PNPLA7: variants seen among roughly 807,000 people sequenced by gnomAD.
PNPLA7 encodes the protein patatin like domain 7, lysophospholipase.
Under a neutral mutation model 161.7 loss-of-function variants are expected in PNPLA7, and 153 were observed. The observed-to-expected ratio is 0.95, with a 90% CI of 0.83 to 1.08. The LOEUF is 1.08. Among genes scored for constraint, PNPLA7 ranks in the 50% least tolerant of loss-of-function variants. PNPLA7 has a pLI of 0.00. For missense variants in PNPLA7, 1,739 were observed against 1,856.6 expected (o/e 0.94, Z 1.16); for synonymous variants, 809 against 782.1 (o/e 1.03, Z -0.57).
At chr9:137,506,831 G>A (rs1352823994) in intron 12 of PNPLA7, among the ~76,000 whole-genome samples, 1 of 152,264 alleles carries the variant, frequency 6.6e-6, no homozygotes, top group Non-Finnish European at 1.5e-5. Flanking sequence ...CGCACTTCCA[G>A]GCACAGATCC....
chr9:137,507,386 G>A (rs1833981195), intron 12 of PNPLA7, among the ~76,000 whole-genome samples: 1 of 152,234 alleles, frequency 6.6e-6, no homozygotes, highest in African/African-American at 2.4e-5. Flanking sequence ...CAAGCATGTA[G>A]CTAAATGATA....
At position 137,523,787 on chromosome 9, in the gene PNPLA7, C is replaced by T. The variant is rs142352616; in HGVS notation, c.748-930G>A. 3.2e-4 allele frequency among the ~76,000 whole-genome samples: 48 copies of T among 152,148 alleles called. No homozygotes were observed. The highest frequency in any genetic ancestry group is 9.4e-4 in the African/African-American group (39 of 41,526). On this transcript the variant is annotated intron_variant, in intron 8 of 34. Coordinates refer to ENST00000406427, the MANE Select transcript of PNPLA7 (RefSeq NM_001098537.3). This position sits in a 1 kb window ranked among gnomAD's most constrained non-coding sequence, Gnocchi z 4.4. ...GGCTACAAGCGCCCGCCACCACGCC[C>T]GGCTAATTTGTTTTTTGAATTTTTA... is the stretch of plus-strand genomic sequence containing the variant.
intron 11 of PNPLA7, among the ~76,000 whole-genome samples, chr9:137,516,833 AATT>A (rs539171251): frequency 3.3e-5 from 5 of 149,948 alleles, no homozygotes; most frequent in South Asian, 2.1e-4. Context: ...TAATAATAAT[AATT>A]ATTATTATTA....
At chr9:137,549,114 G>T (rs1417949826) in intron 1 of PNPLA7, among the ~76,000 whole-genome samples, 2 of 152,254 alleles carry the variant, frequency 1.3e-5, no homozygotes, top group Non-Finnish European at 2.9e-5. Flanking sequence ...GCTTTTCACT[G>T]TTGCTTTAAT....
intron 32 of PNPLA7, 29 bp from the exon 33 acceptor site, chr9:137,461,649 C>T (rs1831202721): frequency 6.5e-7 from 1 of 1,538,200 alleles, no homozygotes; most frequent in Non-Finnish European, 8.8e-7. Context: ...CAGCACGTTG[C>T]CTGTGGACAC....
intron 33 of PNPLA7, chr9:137,461,060 C>CA (rs1831164612): frequency 2.6e-6 from 1 of 383,600 alleles, no homozygotes; most frequent in African/African-American, 2.0e-5. Context: ...CTGCCTTGCC[C>CA]AGGGCCCTCT....
rs1835196400 is a variant in PNPLA7 at position 137,524,421 on chromosome 9, T to C, written c.748-1564A>G. On this transcript the variant is annotated intron_variant, in intron 8 of 34. Transcript: ENST00000406427. The surrounding 1 kb of genome is among the most constrained non-coding windows in gnomAD (Gnocchi z 4.4). ...TGGCTGCCTCATGGAGGCCTTGCAG[T>C]GTCTCCTCGTGAAGGCCTCGCAGGG... Among the ~76,000 whole-genome samples, 1 of 151,094 alleles carries C rather than the reference T, an allele frequency of 6.6e-6. No homozygotes were observed. The highest frequency in any genetic ancestry group is 1.5e-5 in the Non-Finnish European group (1 of 67,708).
intron 8 of PNPLA7, among the ~76,000 whole-genome samples, chr9:137,535,969 G>A (rs1159710492): frequency 6.6e-6 from 1 of 151,554 alleles, no homozygotes; most frequent in African/African-American, 2.4e-5. Flanking sequence ...TGGCTAACAT[G>A]GTGAAACCCC....
At position 137,486,062 on chromosome 9, in the gene PNPLA7, T is replaced by C. The variant is rs548318021; in HGVS notation, c.2198-1326A>G. ...ATCTAGGTGCCGTGGATGCTCCTCC[T>C]CTGCAGTCCCCGTGGCCCAGCCCTC... is the stretch of plus-strand genomic sequence containing the variant. On this transcript the variant is annotated intron_variant, in intron 20 of 34. Transcript: ENST00000406427. The surrounding 1 kb of genome is among the most constrained non-coding windows in gnomAD (Gnocchi z 6.0). Among the ~76,000 whole-genome samples, 5 of 151,928 alleles carry C rather than the reference T, an allele frequency of 3.3e-5. No individual in the cohort carries two copies. The highest frequency in any genetic ancestry group is 3.3e-4 in the Admixed American group (5 of 15,244).
chr9:137,491,283 G>A (rs1832749938), intron 20 of PNPLA7, among the ~76,000 whole-genome samples: 1 of 152,046 alleles, frequency 6.6e-6, no homozygotes, highest in South Asian at 2.1e-4. Flanking sequence ...AATAAAAAGA[G>A]AAAATACAGT....
In PNPLA7 at chr9:137,490,831, T is replaced by C. The variant is rs921032310; in HGVS notation, c.2197+2182A>G. On this transcript the variant is annotated intron_variant, in intron 20 of 34. Coordinates refer to ENST00000406427, the MANE Select transcript of PNPLA7 (RefSeq NM_001098537.3). The surrounding 1 kb of genome is among the most constrained non-coding windows in gnomAD (Gnocchi z 4.1). ...GCTGAAAGCGAAAGTTGTAGCCCTG[T>C]GTTTTTGGGGCTACAGTTTGACAAA... Among the ~76,000 whole-genome samples the C allele has an allele frequency of 6.6e-6, 1 of 152,218 alleles. No homozygotes were observed. Among genetic ancestry groups the C allele is most frequent in the East Asian group, 1.9e-4 (1 of 5,206 alleles).
chr9:137,548,878 A>G (rs1158568418), intron 1 of PNPLA7, among the ~76,000 whole-genome samples: 1 of 152,150 alleles, frequency 6.6e-6, no homozygotes, highest in Non-Finnish European at 1.5e-5. Context: ...AAGCAAATAC[A>G]AGCCCTGGGA....
chr9:137,481,688 C>T (rs1055428156), intron 21 of PNPLA7, among the ~76,000 whole-genome samples: 40 of 152,172 alleles, frequency 2.6e-4, no homozygotes. Context: ...ATCGGCTGGG[C>T]GCGGTGGCTC....
intron 9 of PNPLA7, 39 bp from the exon 10 acceptor site, chr9:137,521,755 G>C (rs1006703499): frequency 6.3e-7 from 1 of 1,582,350 alleles, no homozygotes; most frequent in African/African-American, 1.3e-5. Flanking sequence ...CCACCGGCCT[G>C]GGGTACAGGG....
At chr9:137,531,303 G>T (rs1835570351) in intron 8 of PNPLA7, among the ~76,000 whole-genome samples, 1 of 152,140 alleles carries the variant, frequency 6.6e-6, no homozygotes. Context: ...GTGTTTGGGG[G>T]CGGGTGGGGA....
Position 137,484,581 on chromosome 9 carries a change from G to T in PNPLA7, c.2347+6C>A, listed in dbSNP as rs775712740. 3 of 1,594,706 alleles carry T rather than the reference G, an allele frequency of 1.9e-6. No homozygotes were observed. The African/African-American group carries it at 4.0e-5, about 21-fold the overall frequency. On this transcript the variant is annotated splice_donor_region_variant and intron_variant, in intron 21 of 34. Coordinates refer to ENST00000406427, the MANE Select transcript of PNPLA7 (RefSeq NM_001098537.3). The stretch of plus-strand genomic sequence containing the variant: ...GATGGCTGGAGGCTGGGAGGCTCAG[G>T]CTTACCGATGGCGCTGAGGGCATGC...
chr9:137,485,764 C>T (rs1832448992), intron 20 of PNPLA7, among the ~76,000 whole-genome samples: 2 of 152,228 alleles, frequency 1.3e-5, no homozygotes, highest in South Asian at 4.1e-4. Context: ...GAGACTGGAG[C>T]CTCCAGGGCC....
At chr9:137,506,634 G>C (rs551754827) in intron 12 of PNPLA7, among the ~76,000 whole-genome samples, 6 of 152,268 alleles carry the variant, frequency 3.9e-5, no homozygotes, top group Admixed American at 3.9e-4. Context: ...GGGGGTTGAG[G>C]CACCCCCTCC....
At position 137,480,936 on chromosome 9, in the gene PNPLA7, G is replaced by A. The variant is rs1170202988; in HGVS notation, c.2411+24C>T. On this transcript the variant is annotated intron_variant, in intron 22 of 34. Transcript: ENST00000406427. ...GCTGCGTTGGGCCGGCTGGGAGGAA[G>A]GAGTCGGGGCTGGCGGCACGCACCT... 11 of 1,550,730 alleles carry A rather than the reference G, an allele frequency of 7.1e-6. No individual in the cohort carries two copies. The Admixed American group carries it at 1.4e-4, about 19-fold the overall frequency.
Sources: gnomAD v4.1 joint callset for allele counts (sites outside exome capture counted in the v4.1 genomes callset) on GRCh38, gnomAD v4.1.1 for gene constraint, Gnocchi (gnomAD v3.1) non-coding constraint, MANE v1.5 for transcripts, NCBI Gene and HGNC (gene_info 2026-07-23, HGNC 2026-07-21) for gene names.